TOGARAM2: variants seen among roughly 807,000 people sequenced by gnomAD.
The protein encoded by TOGARAM2 is TOG array regulator of axonemal microtubules 2, also known as TOG array regulator of axonemal microtubules protein 2.
Under a neutral mutation model 93.3 loss-of-function variants are expected in TOGARAM2, and 85 were observed. The ratio of observed to expected loss-of-function variants is 0.91; its 90% confidence interval spans 0.76 to 1.09. The LOEUF is 1.09. Ranked by LOEUF, TOGARAM2 falls within the 50% of genes least tolerant of loss-of-function variation. TOGARAM2 has a pLI of 0.00. For missense variants in TOGARAM2, 1,277 were observed against 1,334.5 expected (o/e 0.96, Z 0.67); for synonymous variants, 593 against 552.8 (o/e 1.07, Z -1.02).
chr2:29,004,062 C>G (rs574538695), intron 6 of TOGARAM2, among the ~76,000 whole-genome samples: 3 of 152,300 alleles, frequency 2.0e-5, no homozygotes, highest in East Asian at 1.9e-4. Flanking sequence ...GTGGTGTGAT[C>G]TCAACTCACT....
At chr2:29,005,220 CATGTGTGTAT>C (rs1287708342) in intron 6 of TOGARAM2, among the ~76,000 whole-genome samples, 1 of 121,538 alleles carries the variant, frequency 8.2e-6, no homozygotes, top group Non-Finnish European at 1.7e-5. Flanking sequence ...GGTATGTGTG[CATGTGTGTAT>C]ATGTGTGTGG....
intron 1 of TOGARAM2, among the ~76,000 whole-genome samples, chr2:28,964,146 T>C (rs1328876843): frequency 6.6e-6 from 1 of 152,202 alleles, no homozygotes. Flanking sequence ...ATAGGCCTAT[T>C]AAAGTATTCA....
intron 18 of TOGARAM2, among the ~76,000 whole-genome samples, chr2:29,037,392 C>T (rs1666183521): frequency 6.6e-6 from 1 of 152,170 alleles, no homozygotes; most frequent in African/African-American, 2.4e-5. Context: ...ATGGCCAGCC[C>T]AGTACAAGGA....
chr2:29,048,856 T>TG (rs1666903651), intron 19 of TOGARAM2: 1 of 148,048 alleles, frequency 6.8e-6, no homozygotes, highest in South Asian at 2.2e-4. Context: ...TTTTTTTTTT[T>TG]TTTTTTTTTT....
chr2:28,975,153 G>C lies in TOGARAM2; in HGVS notation c.-147+18456G>C, dbSNP rs1205261242. On this transcript the variant is annotated intron_variant, in intron 1 of 6. Transcript: ENST00000401723. ...TTCCAGTTGTTTTTCTTTGTGTCTTGTGTTTCTTTGCTGAGACGTTTTATT... is the reference window on the plus strand; with the variant it reads ...TTCCAGTTGTTTTTCTTTGTGTCTTCTGTTTCTTTGCTGAGACGTTTTATT... Among the ~76,000 whole-genome samples, 6 of 149,560 alleles carry C rather than the reference G, an allele frequency of 4.0e-5. No homozygotes were observed. In the East Asian group the frequency reaches 1.2e-3, roughly 29 times the overall value.
chr2:28,995,824 G>A (rs1331546443), intron 2 of TOGARAM2, among the ~76,000 whole-genome samples: 1 of 152,238 alleles, frequency 6.6e-6, no homozygotes, highest in Admixed American at 6.5e-5. Flanking sequence ...GGGGATGGAC[G>A]AGCTGGGTTT....
At chr2:29,005,624 TG>T (rs1360897812) in intron 6 of TOGARAM2, among the ~76,000 whole-genome samples, 1 of 89,486 alleles carries the variant, frequency 1.1e-5, no homozygotes, top group African/African-American at 3.5e-5. Flanking sequence ...AGTGCATGTG[TG>T]GAGTGTGTGT....
chr2:28,983,177 A>AATATATAAATATATAT lies in TOGARAM2; in HGVS notation c.-111+1646_-111+1647insAATATATATATATATA, dbSNP rs1553334841. ...TAATCTTTGTGTGTGTGTATATATAAATATATATATATATATATATATTTT... is the reference window on the plus strand; with the variant it reads ...TAATCTTTGTGTGTGTGTATATATAAATATATAAATATATATATATATATATATATATATATATTTT... On this transcript the variant is annotated intron_variant, in intron 1 of 19. Transcript: ENST00000379558. 2.8e-4 allele frequency among the ~76,000 whole-genome samples: 9 copies of AATATATAAATATATAT among 32,380 alleles called. 1 individual carries two copies. Among genetic ancestry groups the AATATATAAATATATAT allele is most frequent in the East Asian group, 2.5e-3 (2 of 788 alleles). The allele number at this position is 32,380 out of a possible 152,430, so 21.2% of individuals were successfully genotyped here. A position where few individuals can be genotyped will look rare whatever the true frequency, so the allele number is the denominator to read the frequency against.
At chr2:29,033,751 G>A (rs1323571357) in intron 16 of TOGARAM2, among the ~76,000 whole-genome samples, 188 bp downstream of exon 16, 2 of 152,144 alleles carry the variant, frequency 1.3e-5, no homozygotes, top group African/African-American at 4.8e-5. Flanking sequence ...ATCCCAGGGA[G>A]ACCAAATCCT....
intron 16 of TOGARAM2, among the ~76,000 whole-genome samples, chr2:29,035,220 C>T (rs1666014492): frequency 6.6e-6 from 1 of 151,888 alleles, no homozygotes; most frequent in South Asian, 2.1e-4. Context: ...ACTCTGACTT[C>T]CCCCATTGCT....
rs1667113626 is a variant in TOGARAM2 at position 29,052,194 on chromosome 2, T to C, written c.*101T>C. ...AGAGTTCCAGATGTACATGGTATAT[T>C]TTGAAGTAGAAATAAAAGAATTACT... On this transcript the variant is annotated 3_prime_UTR_variant, in exon 20 of 20. Coordinates refer to ENST00000379558, the MANE Select transcript of TOGARAM2 (RefSeq NM_199280.4). 1.1e-6 allele frequency: 1 copy of C among 916,272 alleles called. No homozygotes were observed. Among genetic ancestry groups the C allele is most frequent in the Middle Eastern group, 2.3e-4 (1 of 4,376 alleles). The allele number at this position is 916,272 out of a possible 1,614,324, so 56.8% of individuals were successfully genotyped here.
At position 28,991,027 on chromosome 2, in the gene TOGARAM2, TGTGTGTGTG is replaced by T. The variant is rs1558406564; in HGVS notation, c.-110-3697_-110-3689del. ...GTGTGTGTGTGTGTGTGTGTGTGTG[TGTGTGTGTG>T]TGTGGCTTTTCCCCAGGGAAAAAGA... On this transcript the variant is annotated intron_variant, in intron 1 of 19. Transcript: ENST00000379558. Among the ~76,000 whole-genome samples, 542 of 150,676 alleles carry T rather than the reference TGTGTGTGTG, an allele frequency of 3.6e-3. 6 individuals are homozygous for T. Among genetic ancestry groups the T allele is most frequent in the African/African-American group, 0.012 (496 of 40,774 alleles).
At chr2:29,006,329 C>T (rs7587687) in intron 6 of TOGARAM2, among the ~76,000 whole-genome samples, 61,679 of 138,268 alleles carry the variant, frequency 0.45, 15,146 homozygotes, top group Middle Eastern at 0.56. Context: ...GGAGTGTGTG[C>T]ATGTGTGTGT....
chr2:29,040,582 T>G (rs1228361911), intron 18 of TOGARAM2, among the ~76,000 whole-genome samples: 2 of 152,186 alleles, frequency 1.3e-5, no homozygotes, highest in Non-Finnish European at 2.9e-5. Context: ...AACTTGGAGA[T>G]TCATTCCTTG....
rs1666121399 is a variant in TOGARAM2, at chr2:29,036,538, T to A, written c.2419-3T>A. Reference sequence around the variant, plus strand: ...GGGCTCTTGGTTTCTGTTTCTTCAATAGGTCTTTGATGCTTTCACCCCAAG... The same window carrying A: ...GGGCTCTTGGTTTCTGTTTCTTCAAAAGGTCTTTGATGCTTTCACCCCAAG... On this transcript the variant is annotated splice_region_variant and splice_polypyrimidine_tract_variant and intron_variant, in intron 17 of 19. Transcript: ENST00000379558. 1 of 1,613,768 alleles carries A rather than the reference T, an allele frequency of 6.2e-7. No homozygotes were observed. Among genetic ancestry groups the A allele is most frequent in the African/African-American group, 1.3e-5 (1 of 74,860 alleles).
At chr2:28,977,818 C>A (rs1041405264), upstream of TOGARAM2, among the ~76,000 whole-genome samples, 1 of 152,088 alleles carries the variant, frequency 6.6e-6, no homozygotes, top group South Asian at 2.1e-4. Flanking sequence ...AGATGAGAGG[C>A]ACCTCTTTTC....
At chr2:29,027,710 G>C (rs1010307337) in intron 14 of TOGARAM2, among the ~76,000 whole-genome samples, 1 of 152,154 alleles carries the variant, frequency 6.6e-6, no homozygotes, top group African/African-American at 2.4e-5. Flanking sequence ...ATGCAATGGA[G>C]TTGGTGGGGG....
intron 1 of TOGARAM2, among the ~76,000 whole-genome samples, chr2:28,964,277 C>A (rs1200877733): frequency 1.3e-5 from 2 of 152,070 alleles, no homozygotes; most frequent in Non-Finnish European, 2.9e-5. Context: ...TGAATTGACC[C>A]TTTTGACATT....
chr2:29,051,830 C>T lies in TOGARAM2; in HGVS notation c.2797C>T (p.Leu933=), dbSNP rs1390727445. The change falls in exon 20 of 20, where the codon CTG becomes TTG. Residue 933 remains leucine, a synonymous_variant. Coordinates refer to ENST00000379558, the MANE Select transcript of TOGARAM2 (RefSeq NM_199280.4). ...RHVLPILWHF[L]NTATRNGTLP... ...TGTCCTTCCCATCCTCTGGCACTTC[C>T]TGAACACCGCCACCAGGAATGGCAC... 1.3e-6 allele frequency: 2 copies of T among 1,565,632 alleles called. No homozygotes were observed. The highest frequency in any genetic ancestry group is 1.7e-6 in the Non-Finnish European group (2 of 1,155,082).
Sources: allele counts gnomAD v4.1 joint callset (sites outside exome capture counted in the v4.1 genomes callset), GRCh38; gene constraint gnomAD v4.1.1; transcripts MANE v1.5; gene names NCBI Gene and HGNC (gene_info 2026-07-23, HGNC 2026-07-21).